Variants in DNAH5 observed in about 807,000 individuals in gnomAD.
The protein encoded by DNAH5 is dynein axonemal heavy chain 5.
A neutral mutation model predicts 518.2 loss-of-function variants in DNAH5; 372 were observed. The observed-to-expected ratio is 0.72, with a 90% CI of 0.66 to 0.78. The LOEUF (loss-of-function observed/expected upper bound fraction) is 0.78, where lower values mean the gene tolerates loss of function less well. Among genes scored for constraint, DNAH5 ranks in the 30% least tolerant of loss-of-function variants. The pLI is 0.00. For synonymous variants in DNAH5, 2,039 were observed against 2,025.9 expected (o/e 1.01, Z -0.17); for missense variants, 5,523 against 5,687.0 (o/e 0.97, Z 0.93).
chr5:13,993,681 G>A (rs1783724990), intron 1 of DNAH5, among the ~76,000 whole-genome samples: 1 of 152,182 alleles, frequency 6.6e-6, no homozygotes, highest in Admixed American at 6.5e-5. Context: ...ACATGCATGA[G>A]CACAGCTATA....
rs1161427628 is a variant in DNAH5 at position 13,882,945 on chromosome 5, G to C, written c.3133C>G (p.Pro1045Ala). The change falls in exon 20 of 79, where the codon CCT becomes GCT. Residue 1045 changes from proline to alanine, a missense_variant. Physicochemically the swap from Pro to Ala is conservative, Grantham distance 27. This residue lies in a region of DNAH5 where 5,121 missense variants were observed against 5,223.3 expected (regional missense o/e 0.98). Coordinates refer to ENST00000265104, the MANE Select transcript of DNAH5 (RefSeq NM_001369.3). ...NKAVECIISV[P>A]KGVRQWSSEL... Reference sequence around the variant, plus strand: ...CTGCTCCACTGTCTGACCCCCTTAGGGACACTGATGATGCACTCCACGGCT... The same window carrying C: ...CTGCTCCACTGTCTGACCCCCTTAGCGACACTGATGATGCACTCCACGGCT... 1.2e-6 allele frequency: 2 copies of C among 1,614,092 alleles called. No individual in the cohort carries two copies. The highest frequency in any genetic ancestry group is 2.2e-5 in the East Asian group (1 of 44,870).
Position 13,811,538 on chromosome 5 carries a change from T to C in DNAH5, c.7407+109A>G, listed in dbSNP as rs1422228126. On this transcript the variant is annotated intron_variant, in intron 44 of 78. Coordinates refer to ENST00000265104, the MANE Select transcript of DNAH5 (RefSeq NM_001369.3). ...TAACCAAATCTAATTTCAAATATAG[T>C]ACTCTCTGTATAGCATGGCTACATT... 3 of 1,065,162 alleles carry C rather than the reference T, an allele frequency of 2.8e-6. No individual in the cohort carries two copies. The African/African-American group carries it at 4.7e-5, about 17-fold the overall frequency. The allele number at this position is 1,065,162 out of a possible 1,614,324, so 66.0% of individuals were successfully genotyped here.
At chr5:13,727,990 C>T (rs1411811807) in intron 69 of DNAH5, among the ~76,000 whole-genome samples, 2 of 152,150 alleles carry the variant, frequency 1.3e-5, no homozygotes, top group East Asian at 3.9e-4. Flanking sequence ...CAACGAAGTC[C>T]GATTTGCTCC....
intron 72 of DNAH5, among the ~76,000 whole-genome samples, chr5:13,718,576 T>C (rs967440256): frequency 1.3e-5 from 2 of 152,218 alleles, no homozygotes; most frequent in South Asian, 4.1e-4. Context: ...ACTTTAAGTA[T>C]GGAGCATAAA....
At chr5:13,862,162 T>C (rs897608300) in intron 29 of DNAH5, among the ~76,000 whole-genome samples, 1 of 127,222 alleles carries the variant, frequency 7.9e-6, no homozygotes, top group Non-Finnish European at 1.8e-5. Flanking sequence ...CAGTCAGGCT[T>C]GTCAGCAGCA....
At chr5:13,905,261 G>T (rs1025641072) in intron 12 of DNAH5, among the ~76,000 whole-genome samples, 1 of 152,200 alleles carries the variant, frequency 6.6e-6, no homozygotes, top group African/African-American at 2.4e-5. Flanking sequence ...GATATTAAGA[G>T]GTGGCACCAC....
intron 78 of DNAH5, among the ~76,000 whole-genome samples, 182 bp from the exon 79 acceptor site, chr5:13,692,317 G>A (rs1430557295): frequency 6.6e-6 from 1 of 152,118 alleles, no homozygotes; most frequent in Non-Finnish European, 1.5e-5. Flanking sequence ...CCCACATGGT[G>A]CCAGCAGATG....
At position 13,796,282 on chromosome 5, in the gene DNAH5, G is replaced by A. The variant is rs536037754; in HGVS notation, c.7888-2224C>T. Among the ~76,000 whole-genome samples, 19 of 152,210 alleles carry A rather than the reference G, an allele frequency of 1.2e-4. 1 individual carries two copies. In the South Asian group the frequency reaches 2.9e-3, roughly 23 times the overall value. ...ATTGTCCCTGTTTGCAGATGACATGGTTGTATATTTAGAAAACACCATTGT... is the reference window on the plus strand; with the variant it reads ...ATTGTCCCTGTTTGCAGATGACATGATTGTATATTTAGAAAACACCATTGT... On this transcript the variant is annotated intron_variant, in intron 47 of 78. Coordinates refer to ENST00000265104, the MANE Select transcript of DNAH5 (RefSeq NM_001369.3).
In DNAH5 at chr5:13,792,180, A is replaced by C. The variant is rs1368092713; in HGVS notation, c.8262T>G (p.Gly2754=). 1.9e-5 allele frequency: 31 copies of C among 1,613,774 alleles called. No homozygotes were observed. Among genetic ancestry groups the C allele is most frequent in the Non-Finnish European group, 2.6e-5 (31 of 1,179,956 alleles). The change falls in exon 50 of 79, where the codon GGT becomes GGG. Residue 2754 remains glycine (G), a synonymous_variant. Transcript: ENST00000265104. ...CAGAATCTCTCACTTCTTCTGAGAA[A>C]CCCCTCTGAGTACAGTAGTGGCCTA... The part of the protein sequence containing the change: ...IGVGHYCTQR[G]FSEEVRDSVT...
chr5:13,962,267 AAAT>A (rs1205462885), intron 1 of DNAH5, among the ~76,000 whole-genome samples: 16 of 152,226 alleles, frequency 1.1e-4, no homozygotes, highest in Admixed American at 3.3e-4. Context: ...TTTTTTAACC[AAAT>A]AATATTTTTA....
At chr5:13,892,906 C>T (rs1773463348) in intron 16 of DNAH5, among the ~76,000 whole-genome samples, 1 of 152,106 alleles carries the variant, frequency 6.6e-6, no homozygotes. Context: ...ACATTAAAAG[C>T]CATTTAGCAT....
At chr5:13,844,103 T>A (rs1234953206) in intron 32 of DNAH5, among the ~76,000 whole-genome samples, 1 of 152,214 alleles carries the variant, frequency 6.6e-6, no homozygotes, top group Non-Finnish European at 1.5e-5. Flanking sequence ...GCTACTTGTT[T>A]ACTTCCCTGT....
At chr5:13,884,062 C>G (rs921516849) in intron 19 of DNAH5, among the ~76,000 whole-genome samples, 1 of 152,026 alleles carries the variant, frequency 6.6e-6, no homozygotes, top group Non-Finnish European at 1.5e-5. Flanking sequence ...CTAGATTTGA[C>G]AGATTTTTGT....
chr5:13,781,632 A>G (rs972394775), intron 52 of DNAH5, among the ~76,000 whole-genome samples: 1 of 151,956 alleles, frequency 6.6e-6, no homozygotes, highest in Non-Finnish European at 1.5e-5. Context: ...TCGCTTTTGC[A>G]TCTTCCTCAT....
At chr5:13,796,490 C>A (rs1366650424) in intron 47 of DNAH5, among the ~76,000 whole-genome samples, 1 of 152,102 alleles carries the variant, frequency 6.6e-6, no homozygotes, top group Non-Finnish European at 1.5e-5. Context: ...ATCCAACTTA[C>A]AAGGGATGTG....
chr5:13,866,298 A>G lies in DNAH5; in HGVS notation c.4054-16T>C. The G allele has an allele frequency of 1.9e-6, 3 of 1,610,064 alleles. No individual in the cohort carries two copies. Among genetic ancestry groups the G allele is most frequent in the Non-Finnish European group, 2.5e-6 (3 of 1,177,754 alleles). Reference sequence around the variant, plus strand: ...TTGGACCATTCTGAACAAAAAGTAAAAAAAGAAAAATAGAAGGAAGTGTTT... The same window carrying G: ...TTGGACCATTCTGAACAAAAAGTAAGAAAAGAAAAATAGAAGGAAGTGTTT... On this transcript the variant is annotated splice_polypyrimidine_tract_variant and intron_variant, in intron 25 of 78. Coordinates refer to ENST00000265104, the MANE Select transcript of DNAH5 (RefSeq NM_001369.3).
intron 65 of DNAH5, among the ~76,000 whole-genome samples, chr5:13,741,841 C>T (rs564669749): frequency 6.6e-6 from 1 of 152,232 alleles, no homozygotes. Flanking sequence ...CCTTCAGCCA[C>T]TTGACATTTG....
intron 28 of DNAH5, 85 bp from the exon 29 acceptor site, chr5:13,862,832 T>G: frequency 1.7e-6 from 1 of 597,916 alleles, no homozygotes; most frequent in Non-Finnish European, 2.7e-6. Flanking sequence ...CCATCTTCAC[T>G]ATTTGCTTCA....
In DNAH5 at chr5:13,922,224, A is replaced by G. The variant is rs750749745; in HGVS notation, c.543T>C (p.His181=). 11 of 1,613,836 alleles carry G rather than the reference A, an allele frequency of 6.8e-6. No homozygotes were observed. The highest frequency in any genetic ancestry group is 1.3e-5 in the African/African-American group (1 of 74,866). ...GAAGGCCCTCGAGCTCGCCCCAGCCATGGCTCGTGGCTCTGAGAGCAGGAA... is the reference window on the plus strand; with the variant it reads ...GAAGGCCCTCGAGCTCGCCCCAGCCGTGGCTCGTGGCTCTGAGAGCAGGAA... ...IFIPALRATS[H]GWGELEGLQD... The change falls in exon 5 of 79, where the codon CAT becomes CAC. Residue 181 remains histidine (H), a synonymous_variant. Coordinates refer to ENST00000265104, the MANE Select transcript of DNAH5 (RefSeq NM_001369.3).
Sources: gnomAD v4.1 joint callset for allele counts (sites outside exome capture counted in the v4.1 genomes callset) on GRCh38, gnomAD v4.1.1 for gene constraint, gnomAD v4.1.1 regional missense constraint, MANE v1.5 for transcripts, NCBI Gene and HGNC (gene_info 2026-07-23, HGNC 2026-07-21) for gene names.